COL5A1: variants seen among roughly 807,000 people sequenced by gnomAD.
COL5A1 encodes collagen alpha-1(V) chain.
A neutral mutation model predicts 263.7 loss-of-function variants in COL5A1; 16 were observed. The observed-to-expected ratio is 0.06, with a 90% CI of 0.04 to 0.09. The LOEUF is 0.09. COL5A1 is among the 10% of genes least tolerant of loss of function. The pLI is 1.00. For synonymous variants in COL5A1, 1,012 were observed against 1,004.5 expected, an observed-to-expected ratio of 1.01 and a Z score of -0.14; for missense variants, 2,036 against 2,540.5, an observed-to-expected ratio of 0.80 and a Z score of 4.27.
chr9:134,744,882 CCTG>C (rs1223396465), intron 11 of COL5A1, among the ~76,000 whole-genome samples: 1 of 151,122 alleles, frequency 6.6e-6, no homozygotes, highest in Non-Finnish European at 1.5e-5. Flanking sequence ...CACTCACACA[CCTG>C]CACACACACT....
rs1413291304 is a variant in COL5A1 at position 134,652,505 on chromosome 9, A to G, written c.109+10209A>G. Among the ~76,000 whole-genome samples, 1 of 152,100 alleles carries G rather than the reference A, an allele frequency of 6.6e-6. No individual in the cohort carries two copies. The highest frequency in any genetic ancestry group is 1.9e-4 in the East Asian group (1 of 5,176). ...GCTTCTCAGCCCAGGCCATTTGGGG[A>G]CATGTGGCAATGTCTGGAGATGTTT... is the stretch of plus-strand genomic sequence containing the variant. On this transcript the variant is annotated intron_variant, in intron 1 of 65. Coordinates refer to ENST00000371817, the MANE Select transcript of COL5A1 (RefSeq NM_000093.5). The surrounding 1 kb of genome is among the most constrained non-coding windows in gnomAD (Gnocchi z 4.4).
intron 1 of COL5A1, among the ~76,000 whole-genome samples, chr9:134,665,116 G>A (rs1035446394): frequency 3.3e-5 from 5 of 151,252 alleles, no homozygotes; most frequent in African/African-American, 1.2e-4. Flanking sequence ...GGAGAATCAC[G>A]TGAACCCTGG....
intron 1 of COL5A1, among the ~76,000 whole-genome samples, chr9:134,659,956 G>A (rs1045234031): frequency 3.3e-5 from 5 of 152,172 alleles, no homozygotes; most frequent in African/African-American, 1.2e-4. Flanking sequence ...CCGACACACG[G>A]CCAAGGAGAA....
chr9:134,657,581 A>G lies in COL5A1; in HGVS notation c.109+15285A>G, dbSNP rs181854275. 1.9e-3 allele frequency among the ~76,000 whole-genome samples: 178 copies of G among 94,488 alleles called. 1 individual carries two copies. Among genetic ancestry groups the G allele is most frequent in the African/African-American group, 7.0e-3 (158 of 22,688 alleles). 62.0% of individuals were successfully genotyped at this position (94,488 alleles called of 152,430 possible). ...GGGGGTGGTGTAGGGGGTGTAGTTTATAGATAATATGGAGGGTGGGTTGGG... is the reference window on the plus strand; with the variant it reads ...GGGGGTGGTGTAGGGGGTGTAGTTTGTAGATAATATGGAGGGTGGGTTGGG... On this transcript the variant is annotated intron_variant, in intron 1 of 65. Coordinates refer to ENST00000371817, the MANE Select transcript of COL5A1 (RefSeq NM_000093.5).
chr9:134,828,540 CCA>C (rs1554724692), intron 63 of COL5A1, among the ~76,000 whole-genome samples: 4 of 150,306 alleles, frequency 2.7e-5, no homozygotes, highest in African/African-American at 7.4e-5. Flanking sequence ...ATACCACACA[CCA>C]CAGAGATACG....
intron 1 of COL5A1, among the ~76,000 whole-genome samples, chr9:134,665,749 C>T (rs972371999): frequency 4.6e-5 from 7 of 152,270 alleles, no homozygotes; most frequent in South Asian, 2.1e-4. Context: ...AAGCAGCTGG[C>T]CTTTGGCTGA....
In COL5A1 at chr9:134,785,000, C is replaced by T; in HGVS notation, c.2496C>T (p.Gly832=). 1 of 1,613,144 alleles carries T rather than the reference C, an allele frequency of 6.2e-7. No individual in the cohort carries two copies. Among genetic ancestry groups the T allele is most frequent in the Non-Finnish European group, 8.5e-7 (1 of 1,179,876 alleles). ...TTTCTGGCTTGCAGGGGGAGATCGG[C>T]CCACCCGGTCCCAGGGGAGAAGATG... is the stretch of plus-strand genomic sequence containing the variant. The part of the protein sequence containing the change: ...MGIKGDRGEI[G]PPGPRGEDGP... Residue 832 remains glycine, a synonymous_variant, in exon 30 of 66, where the codon GGC becomes GGT. Transcript: ENST00000371817.
intron 44 of COL5A1, 132 bp from the exon 45 acceptor site, chr9:134,811,207 G>C: frequency 1.2e-6 from 1 of 841,024 alleles, no homozygotes; most frequent in Non-Finnish European, 2.1e-6. Context: ...GTGGTGCAAG[G>C]AACGACACAT....
Position 134,650,616 on chromosome 9 carries a change from C to A in COL5A1, c.109+8320C>A, listed in dbSNP as rs575379490. 1.3e-5 allele frequency among the ~76,000 whole-genome samples: 2 copies of A among 152,320 alleles called. 1 individual carries two copies. Among genetic ancestry groups the A allele is most frequent in the African/African-American group, 4.8e-5 (2 of 41,572 alleles). Reference sequence around the variant, plus strand: ...GGAGTAGGGTGTGGCCAAGGCCAGTCTAGGGAGGCACCTGCCAGCCCCATG... The same window carrying A: ...GGAGTAGGGTGTGGCCAAGGCCAGTATAGGGAGGCACCTGCCAGCCCCATG... On this transcript the variant is annotated intron_variant, in intron 1 of 65. Coordinates refer to ENST00000371817, the MANE Select transcript of COL5A1 (RefSeq NM_000093.5).
At chr9:134,675,277 T>A (rs1237035543) in intron 1 of COL5A1, among the ~76,000 whole-genome samples, 2 of 152,214 alleles carry the variant, frequency 1.3e-5, no homozygotes, top group African/African-American at 4.8e-5. Context: ...AGTGTCAAAC[T>A]GTTTCCTGAG....
Position 134,785,112 on chromosome 9 carries a change from C to T in COL5A1, c.2592+16C>T, listed in dbSNP as rs145429817. On this transcript the variant is annotated intron_variant, in intron 30 of 65. Transcript: ENST00000371817. ...TGGGGAGAAGGTTTGTGATGTGGGA[C>T]GTTCAGCCACTTTCTTGGGAGGGAT... The T allele has an allele frequency of 8.0e-5, 128 of 1,593,132 alleles. No individual in the cohort carries two copies. The African/African-American group carries it at 1.1e-3, about 14-fold the overall frequency.
At chr9:134,816,357 G>A (rs867185424) in intron 52 of COL5A1, among the ~76,000 whole-genome samples, 2 of 151,416 alleles carry the variant, frequency 1.3e-5, no homozygotes, top group Admixed American at 6.6e-5. Flanking sequence ...TACCTTGACC[G>A]AGATCACACT....
intron 29 of COL5A1, among the ~76,000 whole-genome samples, 181 bp from the exon 30 acceptor site, chr9:134,784,808 C>G (rs1253742475): frequency 1.3e-5 from 2 of 152,240 alleles, no homozygotes; most frequent in African/African-American, 4.8e-5. Context: ...CGGTACAATG[C>G]GCTCGCTTTG....
intron 22 of COL5A1, 83 bp downstream of exon 22, chr9:134,766,581 T>C (rs1391304228): frequency 7.1e-7 from 1 of 1,401,242 alleles, no homozygotes; most frequent in African/African-American, 1.4e-5. Context: ...GGTCCATCGC[T>C]GTCCACATCA....
chr9:134,830,476 C>G, intron 64 of COL5A1: 2 of 507,078 alleles, frequency 3.9e-6, no homozygotes, highest in East Asian at 6.8e-5. Context: ...GGTGCAGCCC[C>G]AGGCACCTGA....
intron 23 of COL5A1, 99 bp from the exon 24 acceptor site, chr9:134,767,211 A>T: frequency 6.8e-7 from 1 of 1,469,098 alleles, no homozygotes. Flanking sequence ...TGGTGCCTGG[A>T]TGAGGGAGAC....
intron 18 of COL5A1, among the ~76,000 whole-genome samples, chr9:134,760,961 CAT>C (rs1363108052): frequency 6.7e-6 from 1 of 150,104 alleles, no homozygotes; most frequent in Non-Finnish European, 1.5e-5. Flanking sequence ...CCGCCACACA[CAT>C]ACACACATGT....
chr9:134,708,608 C>T lies in COL5A1; in HGVS notation c.654+7275C>T, dbSNP rs753625146. ...AGACCCCACCCTGGCAGTGCTGAGG[C>T]AGCCCCTGGCAGCGGAACACCAGCA... On this transcript the variant is annotated intron_variant, in intron 4 of 65. Transcript: ENST00000371817. 2.3e-4 allele frequency: 118 copies of T among 518,888 alleles called. 1 individual carries two copies. Among genetic ancestry groups the T allele is most frequent in the Middle Eastern group, 9.5e-4 (3 of 3,142 alleles). 32.1% of individuals were successfully genotyped at this position (518,888 alleles called of 1,614,324 possible). A position where few individuals can be genotyped will look rare whatever the true frequency, so the allele number is the denominator to read the frequency against.
chr9:134,789,120 C>G lies in COL5A1; in HGVS notation c.2647-35C>G, dbSNP rs753819055. ...CATGCAGCATGACTCATTCCTGGCC[C>G]AGCTCTGATGCCTCCTCCTTAAACT... On this transcript the variant is annotated intron_variant, in intron 31 of 65. Transcript: ENST00000371817. The surrounding 1 kb of genome is among the most constrained non-coding windows in gnomAD (Gnocchi z 4.8). 2.5e-6 allele frequency: 4 copies of G among 1,604,396 alleles called. No individual in the cohort carries two copies. Among genetic ancestry groups the G allele is most frequent in the Non-Finnish European group, 3.4e-6 (4 of 1,172,496 alleles).
Sources: gnomAD v4.1 joint callset for allele counts (sites outside exome capture counted in the v4.1 genomes callset) on GRCh38, gnomAD v4.1.1 for gene constraint, Gnocchi (gnomAD v3.1) non-coding constraint, MANE v1.5 for transcripts, NCBI Gene and HGNC (gene_info 2026-07-23, HGNC 2026-07-21) for gene names.